Variants in SP3 observed in about 807,000 individuals in gnomAD.
SP3 encodes the protein transcription factor Sp3.
A neutral mutation model predicts 70.3 loss-of-function variants in SP3; 10 were observed. The observed-to-expected ratio is 0.14, with a 90% CI of 0.09 to 0.24. The LOEUF (loss-of-function observed/expected upper bound fraction) is 0.24. SP3 is among the 10% of genes least tolerant of loss of function. The pLI, the probability that SP3 is intolerant of heterozygous loss-of-function variation, is 1.00. For synonymous variants in SP3, 402 were observed against 333.5 expected (o/e 1.21, Z -2.24); for missense variants, 825 against 914.6 (o/e 0.90, Z 1.26).
At chr2:173,964,703 C>G in intron 1 of SP3, 150 bp from the exon 2 acceptor site, 1 of 356,396 alleles carries the variant, frequency 2.8e-6, no homozygotes, top group Non-Finnish European at 4.9e-6. Context: ...GCGGCGGCGG[C>G]GGCTCCCTCC....
intron 4 of SP3, among the ~76,000 whole-genome samples, chr2:173,931,121 TA>T (rs1231763373): frequency 5.3e-5 from 8 of 152,188 alleles, no homozygotes; most frequent in Non-Finnish European, 1.2e-4. Flanking sequence ...TACATTAATT[TA>T]AAAAAACTTT....
At chr2:173,960,894 T>C (rs1691050462) in intron 3 of SP3, among the ~76,000 whole-genome samples, 1 of 151,990 alleles carries the variant, frequency 6.6e-6, no homozygotes, top group African/African-American at 2.4e-5. Context: ...GAGAATGCTG[T>C]GAACCCAGGA....
At position 173,904,472 on chromosome 2, in the gene SP3, G is replaced by A. The variant is rs913267371; in HGVS notation, c.*5469C>T. ...TTAAGGCTATCTTGTGGAACCCCAG[G>A]AGGATGAAATGCAGATAGTGAAATG... On this transcript the variant is annotated 3_prime_UTR_variant, in exon 7 of 7. Transcript: ENST00000310015. Among the ~76,000 whole-genome samples, 3 of 152,086 alleles carry A rather than the reference G, an allele frequency of 2.0e-5. No homozygotes were observed. Among genetic ancestry groups the A allele is most frequent in the African/African-American group, 4.8e-5 (2 of 41,456 alleles).
intron 6 of SP3, 148 bp from the exon 7 acceptor site, chr2:173,910,405 C>A: frequency 1.6e-6 from 1 of 614,610 alleles, no homozygotes; most frequent in East Asian, 2.8e-5. Flanking sequence ...ACGAGCTACC[C>A]CTGCCAGATT....
chr2:173,923,728 AGCACTGAAGTAATTT>A (rs1305356845), intron 4 of SP3, among the ~76,000 whole-genome samples: 1 of 151,712 alleles, frequency 6.6e-6, no homozygotes, highest in East Asian at 1.9e-4. Flanking sequence ...AACTTTTTTA[AGCACTGAAGTAATTT>A]GATTCTAAAT....
At chr2:173,942,532 C>T (rs937088733) in intron 4 of SP3, among the ~76,000 whole-genome samples, 1 of 152,210 alleles carries the variant, frequency 6.6e-6, no homozygotes, top group African/African-American at 2.4e-5. Flanking sequence ...TGCCACTGCA[C>T]TCCAGTCTGG....
At chr2:173,963,200 T>C (rs1316368154) in intron 3 of SP3, 1 of 152,214 alleles carries the variant, frequency 6.6e-6, no homozygotes, top group Non-Finnish European at 1.5e-5. Context: ...CAAATTTTAG[T>C]AGTCTGCAAA....
intron 4 of SP3, among the ~76,000 whole-genome samples, chr2:173,940,180 G>A (rs1185487503): frequency 2.0e-5 from 3 of 152,112 alleles, no homozygotes; most frequent in Non-Finnish European, 4.4e-5. Context: ...TAGATTAGAT[G>A]TCTTAATAGT....
At chr2:173,954,801 C>T (rs1188865017) in intron 4 of SP3, 72 bp downstream of exon 4, 5 of 1,433,764 alleles carry the variant, frequency 3.5e-6, no homozygotes, top group Non-Finnish European at 2.9e-6. Flanking sequence ...CTGATAAATA[C>T]CTAAAGCAAA....
In SP3 at chr2:173,906,970, T is replaced by G. The variant is rs1375876195; in HGVS notation, c.*2971A>C. On this transcript the variant is annotated 3_prime_UTR_variant, in exon 7 of 7. Coordinates refer to ENST00000310015, the MANE Select transcript of SP3 (RefSeq NM_003111.5). ...GACATGCTTTCAGCTTATATGTATG[T>G]GTATTTTTAAGTATCTTAAGCATTG... is the stretch of plus-strand genomic sequence containing the variant. 6.6e-6 allele frequency: 1 copy of G among 152,214 alleles called. No homozygotes were observed. Among genetic ancestry groups the G allele is most frequent in the Non-Finnish European group, 1.5e-5 (1 of 68,028 alleles). 9.4% of individuals were successfully genotyped at this position (152,214 alleles called of 1,614,324 possible).
rs200531731 is a variant in SP3 at position 173,955,560 on chromosome 2, G to A, written c.952C>T (p.Pro318Ser). The change falls in exon 4 of 7, where the codon CCT becomes TCT. Residue 318 changes from proline (P) to serine (S), a missense_variant. Physicochemically the swap from Pro to Ser is moderately conservative, Grantham distance 74. This residue lies in a region of SP3 where 678 missense variants were observed against 651.6 expected (regional missense o/e 1.04). Transcript: ENST00000310015. The stretch of plus-strand genomic sequence containing the variant: ...TCAGTATTAGTTTCATTAATATCAG[G>A]AGAAACCCGCTCACCAGTCCTTTCT... ...NSERTGERVS[P>S]DINETNTDTD... The A allele has an allele frequency of 2.4e-5, 38 of 1,613,838 alleles. No individual in the cohort carries two copies. The highest frequency in any genetic ancestry group is 3.0e-5 in the Non-Finnish European group (35 of 1,180,036).
At chr2:173,945,067 G>A (rs1376645664) in intron 4 of SP3, among the ~76,000 whole-genome samples, 1 of 152,096 alleles carries the variant, frequency 6.6e-6, no homozygotes, top group Non-Finnish European at 1.5e-5. Flanking sequence ...ACAAGTAAAT[G>A]GTTATAATAT....
At chr2:173,959,086 T>C (rs1013490262) in intron 3 of SP3, among the ~76,000 whole-genome samples, 2 of 152,150 alleles carry the variant, frequency 1.3e-5, no homozygotes, top group African/African-American at 2.4e-5. Context: ...TTTAAAATCA[T>C]TGCAAACACA....
intron 5 of SP3, chr2:173,915,805 G>C (rs1286219105): frequency 6.6e-6 from 1 of 151,984 alleles, no homozygotes; most frequent in Non-Finnish European, 1.5e-5. Context: ...AACAGTCTCT[G>C]AAAGCTGGTT....
chr2:173,951,171 T>C (rs1361269116), intron 4 of SP3, among the ~76,000 whole-genome samples: 2 of 152,208 alleles, frequency 1.3e-5, no homozygotes, highest in African/African-American at 2.4e-5. Flanking sequence ...TCTAGATTTA[T>C]TTTCTAACAC....
intron 5 of SP3, chr2:173,914,968 T>C (rs1689585659): frequency 6.6e-6 from 1 of 152,126 alleles, no homozygotes; most frequent in African/African-American, 2.4e-5. Flanking sequence ...GAGAACCCAA[T>C]TCAGTTCACT....
chr2:173,953,869 G>A (rs561891812), intron 4 of SP3, among the ~76,000 whole-genome samples: 2 of 151,992 alleles, frequency 1.3e-5, no homozygotes, highest in East Asian at 3.9e-4. Context: ...GCTTCAGAAG[G>A]CTTAAATGCA....
chr2:173,901,527 T>G lies in SP3; in HGVS notation c.*8414A>C, dbSNP rs567541264. 6.6e-6 allele frequency among the ~76,000 whole-genome samples: 1 copy of G among 151,704 alleles called. No homozygotes were observed. Among genetic ancestry groups the G allele is most frequent in the Non-Finnish European group, 1.5e-5 (1 of 67,936 alleles). ...ACAGGCAACTCCCATCAGAGGAAAATGGATTATGAACTTGTAAAAATATGC... is the reference window on the plus strand; with the variant it reads ...ACAGGCAACTCCCATCAGAGGAAAAGGGATTATGAACTTGTAAAAATATGC... On this transcript the variant is annotated 3_prime_UTR_variant, in exon 7 of 7. Transcript: ENST00000310015.
At chr2:173,963,955 G>A (rs1172027055) in intron 2 of SP3, 72 bp from the exon 3 acceptor site, 3 of 1,117,074 alleles carry the variant, frequency 2.7e-6, no homozygotes, top group South Asian at 1.8e-5. Flanking sequence ...GCCGCCTTTC[G>A]CACAGGAAGT....
Sources: gnomAD v4.1 joint callset for allele counts (sites outside exome capture counted in the v4.1 genomes callset) on GRCh38, gnomAD v4.1.1 for gene constraint, gnomAD v4.1.1 regional missense constraint, MANE v1.5 for transcripts, NCBI Gene and HGNC (gene_info 2026-07-23, HGNC 2026-07-21) for gene names.